ZC2HC1A: variants seen among roughly 807,000 people sequenced by gnomAD.
The protein encoded by ZC2HC1A is zinc finger C2HC-type containing 1A, also known as zinc finger C2HC domain-containing protein 1A.
Under a neutral mutation model 40.7 loss-of-function variants are expected in ZC2HC1A, and 28 were observed. The ratio of observed to expected loss-of-function variants is 0.69; its 90% CI spans 0.51 to 0.94. The LOEUF (loss-of-function observed/expected upper bound fraction) is 0.94. Ranked by LOEUF, ZC2HC1A falls within the 40% of genes least tolerant of loss-of-function variation. The pLI is 0.00. For synonymous variants in ZC2HC1A, 129 were observed against 129.2 expected (o/e 1.00, Z 0.01); for missense variants, 389 against 386.3 (o/e 1.01, Z -0.06).
intron 1 of ZC2HC1A, among the ~76,000 whole-genome samples, chr8:78,670,526 C>T (rs1327057694): frequency 6.6e-6 from 1 of 152,120 alleles, no homozygotes; most frequent in Non-Finnish European, 1.5e-5. Flanking sequence ...ACCCATTTAA[C>T]TTAGGTTAAT....
At chr8:78,676,462 G>A (rs544060662) in intron 2 of ZC2HC1A, among the ~76,000 whole-genome samples, 2 of 152,050 alleles carry the variant, frequency 1.3e-5, no homozygotes, top group Admixed American at 6.5e-5. Flanking sequence ...TCTTAATAAA[G>A]TTAGCTAACT....
rs756586522 is a variant in ZC2HC1A, at chr8:78,689,340, T to C, written c.471T>C (p.Asp157=). 1.9e-6 allele frequency: 3 copies of C among 1,599,424 alleles called. No individual in the cohort carries two copies. Among genetic ancestry groups the C allele is most frequent in the Non-Finnish European group, 2.6e-6 (3 of 1,173,912 alleles). ...GTAATAAAGGGAAATTTTCTACAGA[T>C]ACCAAAGGAAAACCAACTTCTCGGA... ...RISNKGKFST[D]TKGKPTSRTQ... The change falls in exon 5 of 9, where the codon GAT becomes GAC. Residue 157 remains aspartate, a synonymous_variant. Coordinates refer to ENST00000263849, the MANE Select transcript of ZC2HC1A (RefSeq NM_016010.3).
Position 78,675,974 on chromosome 8 carries a change from T to C in ZC2HC1A, c.93+111T>C, listed in dbSNP as rs1452821540. ...CGTGGAATAGTTTTTGAAGAGTTAA[T>C]GGGTACTATTCTTTGTTCAAGGGTC... On this transcript the variant is annotated intron_variant, in intron 2 of 8. Coordinates refer to ENST00000263849, the MANE Select transcript of ZC2HC1A (RefSeq NM_016010.3). 15 of 870,242 alleles carry C rather than the reference T, an allele frequency of 1.7e-5. No homozygotes were observed. In the East Asian group the frequency reaches 2.8e-4, roughly 16 times the overall value. The allele number at this position is 870,242 out of a possible 1,614,324, so 53.9% of individuals were successfully genotyped here.
intron 1 of ZC2HC1A, among the ~76,000 whole-genome samples, chr8:78,669,967 C>T (rs374603970): frequency 4.1e-5 from 5 of 123,032 alleles, no homozygotes; most frequent in African/African-American, 1.6e-4. Flanking sequence ...TTCTTTCTTT[C>T]TTTCTTTTTT....
chr8:78,716,247 C>T lies in ZC2HC1A; in HGVS notation c.812+919C>T, dbSNP rs538829621. The stretch of plus-strand genomic sequence containing the variant: ...ACGCCATTCTCCTGCCTCAGCCTCC[C>T]GAGTAGCTGGGACTACAGGCGCCCG... On this transcript the variant is annotated intron_variant, in intron 8 of 8. Transcript: ENST00000263849. 5.3e-5 allele frequency among the ~76,000 whole-genome samples: 8 copies of T among 151,398 alleles called. No homozygotes were observed. The East Asian group carries it at 6.0e-4, about 11-fold the overall frequency.
In ZC2HC1A at chr8:78,718,747, CATA is replaced by C. The variant is rs1408113325; in HGVS notation, c.*1255_*1257del. The C allele has an allele frequency of 6.6e-6, 1 of 151,896 alleles. No homozygotes were observed. Among genetic ancestry groups the C allele is most frequent in the Non-Finnish European group, 1.5e-5 (1 of 67,710 alleles). 9.4% of individuals were successfully genotyped at this position (151,896 alleles called of 1,614,324 possible). On this transcript the variant is annotated 3_prime_UTR_variant, in exon 9 of 9. Coordinates refer to ENST00000263849, the MANE Select transcript of ZC2HC1A (RefSeq NM_016010.3). Reference sequence around the variant, plus strand: ...TTAATCATTGTCACTTTCAGTATATCATAGTAGTTAGTAGTAGATTGCCTTGAT... The same window carrying C: ...TTAATCATTGTCACTTTCAGTATATCGTAGTTAGTAGTAGATTGCCTTGAT...
chr8:78,679,829 T>G (rs1162763009), intron 3 of ZC2HC1A, among the ~76,000 whole-genome samples: 1 of 152,212 alleles, frequency 6.6e-6, no homozygotes, highest in African/African-American at 2.4e-5. Context: ...TGTTTTTTAC[T>G]GTGAACATTT....
At chr8:78,667,913 T>C (rs940375993) in intron 1 of ZC2HC1A, among the ~76,000 whole-genome samples, 5 of 152,032 alleles carry the variant, frequency 3.3e-5, no homozygotes, top group East Asian at 1.9e-4. Context: ...TATGATGTTA[T>C]AGGGCCCAGC....
At chr8:78,693,683 G>A (rs1292902192) in intron 5 of ZC2HC1A, among the ~76,000 whole-genome samples, 1 of 152,036 alleles carries the variant, frequency 6.6e-6, no homozygotes, top group Non-Finnish European at 1.5e-5. Context: ...TCTGTAGGTT[G>A]CCTGTTCGCT....
chr8:78,704,215 C>G (rs1810696872), intron 7 of ZC2HC1A, among the ~76,000 whole-genome samples: 2 of 151,422 alleles, frequency 1.3e-5, no homozygotes, highest in Admixed American at 1.3e-4. Context: ...AAGCCTGTCT[C>G]TATTTAAAAA....
At chr8:78,714,430 GTT>G (rs1811036571) in intron 7 of ZC2HC1A, among the ~76,000 whole-genome samples, 1 of 152,116 alleles carries the variant, frequency 6.6e-6, no homozygotes, top group African/African-American at 2.4e-5. Flanking sequence ...CTATCTAAAT[GTT>G]TATATGAATT....
At chr8:78,690,463 G>A (rs2130508048) in intron 5 of ZC2HC1A, among the ~76,000 whole-genome samples, 1 of 152,052 alleles carries the variant, frequency 6.6e-6, no homozygotes, top group South Asian at 2.1e-4. Flanking sequence ...GGGAGGCTGA[G>A]GCAGGAGAAT....
chr8:78,666,657 A>T (rs3824261), intron 1 of ZC2HC1A, among the ~76,000 whole-genome samples: 1 of 152,176 alleles, frequency 6.6e-6, no homozygotes, highest in East Asian at 1.9e-4. Flanking sequence ...TTACATTTCG[A>T]CAGCATCTTC....
At chr8:78,701,342 T>C (rs1028463543) in intron 7 of ZC2HC1A, among the ~76,000 whole-genome samples, 1 of 152,182 alleles carries the variant, frequency 6.6e-6, no homozygotes, top group Non-Finnish European at 1.5e-5. Flanking sequence ...ACATTGATTT[T>C]AGAATCCTGA....
intron 7 of ZC2HC1A, among the ~76,000 whole-genome samples, chr8:78,698,911 C>T (rs1299049004): frequency 6.6e-6 from 1 of 152,098 alleles, no homozygotes; most frequent in Non-Finnish European, 1.5e-5. Context: ...CAGAGAAGCT[C>T]AGTTTGCTCA....
chr8:78,689,033 A>C (rs1239796109), intron 4 of ZC2HC1A, among the ~76,000 whole-genome samples, 189 bp from the exon 5 acceptor site: 1 of 82,706 alleles, frequency 1.2e-5, no homozygotes, highest in African/African-American at 3.6e-5. Flanking sequence ...GTACCAGCAG[A>C]CTTTTTTTTT....
At chr8:78,675,713 G>A (rs1422996956) in intron 1 of ZC2HC1A, 74 bp from the exon 2 acceptor site, 13 of 1,346,372 alleles carry the variant, frequency 9.7e-6, no homozygotes, top group Non-Finnish European at 1.2e-5. Flanking sequence ...ATAAAACTAA[G>A]AGAAAACATT....
At chr8:78,689,479 C>G (rs1810138034) in intron 5 of ZC2HC1A, 106 bp downstream of exon 5, 3 of 1,035,500 alleles carry the variant, frequency 2.9e-6, no homozygotes, top group South Asian at 5.7e-5. Context: ...TTCTCACCTG[C>G]TTTTATAGAT....
rs1809332971 is a variant in ZC2HC1A, at chr8:78,667,527, G to A, written c.16+1363G>A. Among the ~76,000 whole-genome samples the A allele has an allele frequency of 9.9e-5, 15 of 152,128 alleles. No individual in the cohort carries two copies. The South Asian group carries it at 3.1e-3, about 32-fold the overall frequency. ...ATCTATAAAGTGTTTTGAACAGTTTGCAGATTTTTATTATTTTATTCAACA... is the reference window on the plus strand; with the variant it reads ...ATCTATAAAGTGTTTTGAACAGTTTACAGATTTTTATTATTTTATTCAACA... On this transcript the variant is annotated intron_variant, in intron 1 of 8. Transcript: ENST00000263849.
Sources: allele counts gnomAD v4.1 joint callset (sites outside exome capture counted in the v4.1 genomes callset), GRCh38; gene constraint gnomAD v4.1.1; transcripts MANE v1.5; gene names NCBI Gene and HGNC (gene_info 2026-07-23, HGNC 2026-07-21).